RANBP17: variants seen among roughly 807,000 people sequenced by gnomAD.
RANBP17 encodes the protein ran-binding protein 17.
In RANBP17, 158 loss-of-function variants were observed where a neutral mutation model predicts 141.2. That is an observed-to-expected ratio of 1.12 (90% CI 0.98 to 1.28). RANBP17 has a LOEUF of 1.28. Among genes scored for constraint, RANBP17 ranks in the 50% most tolerant of loss-of-function variants. RANBP17 has a pLI of 0.00. For missense variants in RANBP17, 1,438 were observed against 1,290.7 expected (o/e 1.11, Z -1.75); for synonymous variants, 430 against 450.0 (o/e 0.96, Z 0.56).
At chr5:170,898,829 T>C (rs143578674) in intron 5 of RANBP17, among the ~76,000 whole-genome samples, 10 of 152,340 alleles carry the variant, frequency 6.6e-5, no homozygotes, top group African/African-American at 1.4e-4. Context: ...CAGATGGTTG[T>C]AGATGTAGAG....
intron 14 of RANBP17, among the ~76,000 whole-genome samples, chr5:171,004,640 C>T (rs559640680): frequency 6.6e-6 from 1 of 152,294 alleles, no homozygotes; most frequent in Admixed American, 6.5e-5. Context: ...AGGCGATGGG[C>T]AGCATCAGTC....
At chr5:171,106,397 G>A (rs1391429373) in intron 14 of RANBP17, among the ~76,000 whole-genome samples, 3 of 152,104 alleles carry the variant, frequency 2.0e-5, no homozygotes, top group Admixed American at 6.6e-5. Flanking sequence ...ACATGTTTGA[G>A]GAACTATAAG....
In RANBP17 at chr5:170,943,841, T is replaced by TATC. The variant is rs200562279; in HGVS notation, c.1469-9754_1469-9752dup. ...ACTACTACAGTCAGCCAAATTATCC[T>TATC]ATCACCTTCCATAGTTACCATTTTT... is the stretch of plus-strand genomic sequence containing the variant. On this transcript the variant is annotated intron_variant, in intron 12 of 27. Transcript: ENST00000523189. Among the ~76,000 whole-genome samples the TATC allele has an allele frequency of 5.4e-3, 817 of 152,298 alleles. 9 individuals are homozygous for TATC. The highest frequency in any genetic ancestry group is 0.018 in the African/African-American group (744 of 41,582).
chr5:171,105,609 T>A (rs1754769037), intron 14 of RANBP17, among the ~76,000 whole-genome samples: 1 of 152,004 alleles, frequency 6.6e-6, no homozygotes, highest in African/African-American at 2.4e-5. Context: ...TACTGGCTAC[T>A]TAAGAGGCTG....
chr5:170,986,857 G>A (rs1379041179), intron 14 of RANBP17, among the ~76,000 whole-genome samples: 1 of 151,764 alleles, frequency 6.6e-6, no homozygotes, highest in Non-Finnish European at 1.5e-5. Context: ...CTGTTAAATT[G>A]AGTAGGAAAA....
At chr5:170,880,602 C>T (rs895212924) in intron 2 of RANBP17, among the ~76,000 whole-genome samples, 2 of 151,964 alleles carry the variant, frequency 1.3e-5, no homozygotes, top group Non-Finnish European at 2.9e-5. Flanking sequence ...CTTTTGATTT[C>T]CTGAGTTGGG....
At chr5:171,236,416 A>T (rs1764550674) in intron 22 of RANBP17, among the ~76,000 whole-genome samples, 1 of 152,170 alleles carries the variant, frequency 6.6e-6, no homozygotes, top group Admixed American at 6.5e-5. Context: ...GGCGTAGCAA[A>T]TTGGTGGAAT....
intron 14 of RANBP17, among the ~76,000 whole-genome samples, chr5:170,997,700 C>T (rs182324134): frequency 6.6e-6 from 1 of 152,270 alleles, no homozygotes; most frequent in African/African-American, 2.4e-5. Flanking sequence ...AACAGACTCA[C>T]ATCTATCATT....
chr5:171,197,589 G>A (rs1329407668), intron 18 of RANBP17, among the ~76,000 whole-genome samples: 3 of 152,224 alleles, frequency 2.0e-5, no homozygotes, highest in Non-Finnish European at 2.9e-5. Flanking sequence ...AGTAGAGCTA[G>A]TAATTTACAT....
intron 3 of RANBP17, among the ~76,000 whole-genome samples, chr5:170,890,467 TATA>T (rs1402205099): frequency 6.6e-6 from 1 of 152,120 alleles, no homozygotes; most frequent in African/African-American, 2.4e-5. Flanking sequence ...AAGGTTGAAG[TATA>T]ATAGTTACAA....
At chr5:171,248,733 C>T (rs1765377218) in intron 24 of RANBP17, among the ~76,000 whole-genome samples, 1 of 152,158 alleles carries the variant, frequency 6.6e-6, no homozygotes, top group South Asian at 2.1e-4. Flanking sequence ...CCCCTGGAAA[C>T]CACAGCCCTT....
At position 171,299,189 on chromosome 5, in the gene RANBP17, A is replaced by T; in HGVS notation, c.*331A>T. 1 of 268,232 alleles carries T rather than the reference A, an allele frequency of 3.7e-6. No homozygotes were observed. Among genetic ancestry groups the T allele is most frequent in the Non-Finnish European group, 7.2e-6 (1 of 139,404 alleles). 16.6% of individuals were successfully genotyped at this position (268,232 alleles called of 1,614,324 possible). ...CCAGGTTTGCACCTAAGTGTGTACT[A>T]GTTTATGGTTCTGCAGTCAAGGTTG... On this transcript the variant is annotated 3_prime_UTR_variant, in exon 28 of 28. Transcript: ENST00000523189.
intron 14 of RANBP17, among the ~76,000 whole-genome samples, chr5:171,007,881 C>A (rs1371941052): frequency 1.3e-5 from 2 of 152,036 alleles, no homozygotes; most frequent in African/African-American, 4.8e-5. Flanking sequence ...GGAAGTTTGC[C>A]CATAGTGAAG....
At chr5:171,087,515 T>TC (rs1415622685) in intron 14 of RANBP17, among the ~76,000 whole-genome samples, 1 of 152,110 alleles carries the variant, frequency 6.6e-6, no homozygotes, top group East Asian at 1.9e-4. Context: ...TTCCTGGATA[T>TC]CCTTGTTGAC....
chr5:171,139,087 A>G (rs1757518605), intron 14 of RANBP17, among the ~76,000 whole-genome samples: 2 of 152,172 alleles, frequency 1.3e-5, no homozygotes, highest in Non-Finnish European at 2.9e-5. Context: ...CTTTAAAACA[A>G]AAAAAGAAAA....
At chr5:170,983,940 A>G (rs1777940795) in intron 14 of RANBP17, among the ~76,000 whole-genome samples, 1 of 152,184 alleles carries the variant, frequency 6.6e-6, no homozygotes, top group Non-Finnish European at 1.5e-5. Flanking sequence ...TAGAAGCAGA[A>G]TGTGCAAAGC....
rs1561799077 is a variant in RANBP17, at chr5:171,248,645, G to A, written c.2776+5825G>A. ...TGCACCAGCCAGGGAACTGGTGCTG[G>A]GTCACTCACCCTTCCAGACCTGAAA... is the stretch of plus-strand genomic sequence containing the variant. On this transcript the variant is annotated intron_variant, in intron 24 of 27. Coordinates refer to ENST00000523189, the MANE Select transcript of RANBP17 (RefSeq NM_022897.5). 4.6e-5 allele frequency among the ~76,000 whole-genome samples: 7 copies of A among 152,258 alleles called. No homozygotes were observed. In the South Asian group the frequency reaches 1.2e-3, roughly 27 times the overall value.
At position 171,213,748 on chromosome 5, in the gene RANBP17, G is replaced by T; in HGVS notation, c.2339+10G>T. On this transcript the variant is annotated intron_variant, in intron 21 of 27. Coordinates refer to ENST00000523189, the MANE Select transcript of RANBP17 (RefSeq NM_022897.5). ...AACTTATGCAAAACAGGTAAGCAGT[G>T]TGACAGGCAGTGAGAAAAACAGTCT... The T allele has an allele frequency of 6.4e-7, 1 of 1,556,136 alleles. No individual in the cohort carries two copies. The highest frequency in any genetic ancestry group is 1.1e-5 in the South Asian group (1 of 89,752).
At chr5:171,023,130 A>G (rs972760490) in intron 14 of RANBP17, among the ~76,000 whole-genome samples, 1 of 152,148 alleles carries the variant, frequency 6.6e-6, no homozygotes, top group African/African-American at 2.4e-5. Context: ...GAGAACCTGG[A>G]TACCTTGGTT....
Sources: gnomAD v4.1 joint callset for allele counts (sites outside exome capture counted in the v4.1 genomes callset) on GRCh38, gnomAD v4.1.1 for gene constraint, MANE v1.5 for transcripts, NCBI Gene and HGNC (gene_info 2026-07-23, HGNC 2026-07-21) for gene names.